Variants in WWOX observed in about 807,000 individuals in gnomAD.
WWOX encodes the protein WW domain containing oxidoreductase, also known as WW domain-containing oxidoreductase.
A neutral mutation model predicts 46.2 loss-of-function variants in WWOX; 69 were observed. The observed-to-expected ratio is 1.49, with a 90% CI of 1.23 to 1.82. The LOEUF (loss-of-function observed/expected upper bound fraction) is 1.82. WWOX is among the 40% of genes most tolerant of loss of function. The pLI is 0.00. For synonymous variants in WWOX, 359 were observed against 202.6 expected (o/e 1.77, Z -6.56); for missense variants, 919 against 542.6 (o/e 1.69, Z -6.89).
chr16:78,665,431 T>C (rs985906921), intron 8 of WWOX, among the ~76,000 whole-genome samples: 2 of 152,158 alleles, frequency 1.3e-5, no homozygotes, highest in African/African-American at 2.4e-5. Flanking sequence ...TCCCTCTCCA[T>C]CTGGGCACAT....
At chr16:78,230,878 C>T (rs1294501579) in intron 5 of WWOX, among the ~76,000 whole-genome samples, 1 of 152,216 alleles carries the variant, frequency 6.6e-6, no homozygotes, top group Non-Finnish European at 1.5e-5. Context: ...CCATGCCACT[C>T]CTTATCTCTT....
intron 8 of WWOX, among the ~76,000 whole-genome samples, chr16:79,091,439 T>G (rs1255270605): frequency 6.6e-6 from 1 of 152,192 alleles, no homozygotes; most frequent in African/African-American, 2.4e-5. Context: ...GCTTCCCCAC[T>G]GGGTGTTCAT....
chr16:78,100,651 G>C (rs984541961), intron 1 of WWOX, among the ~76,000 whole-genome samples: 1 of 152,188 alleles, frequency 6.6e-6, no homozygotes, highest in African/African-American at 2.4e-5. Context: ...GTGTGACCTT[G>C]GGCCATTGAA....
chr16:78,620,690 T>TA (rs1329648883), intron 8 of WWOX, among the ~76,000 whole-genome samples: 2 of 117,218 alleles, frequency 1.7e-5, no homozygotes, highest in Non-Finnish European at 4.2e-5. Context: ...TCAGGAAATA[T>TA]GGTTTTTTTT....
intron 8 of WWOX, among the ~76,000 whole-genome samples, chr16:78,778,755 A>G (rs1567553822): frequency 6.6e-6 from 1 of 152,192 alleles, no homozygotes; most frequent in African/African-American, 2.4e-5. Flanking sequence ...AACTCAAACC[A>G]AAGAGCACAC....
intron 8 of WWOX, among the ~76,000 whole-genome samples, chr16:79,025,209 G>A (rs1237719832): frequency 6.6e-6 from 1 of 152,298 alleles, no homozygotes; most frequent in East Asian, 1.9e-4. Flanking sequence ...ATGTCACTGA[G>A]GCTGGGGCAG....
chr16:79,121,300 T>C (rs111775329), intron 8 of WWOX, among the ~76,000 whole-genome samples: 4 of 152,208 alleles, frequency 2.6e-5, no homozygotes, highest in Non-Finnish European at 5.9e-5. Flanking sequence ...ACAGCATTTG[T>C]GAAAACTCGC....
At chr16:79,101,410 C>A (rs2150630919) in intron 8 of WWOX, 1 of 152,208 alleles carries the variant, frequency 6.6e-6, no homozygotes, top group Non-Finnish European at 1.5e-5. Flanking sequence ...CCCAAATTTA[C>A]AAATAGATGA....
intron 8 of WWOX, among the ~76,000 whole-genome samples, chr16:78,946,527 G>T (rs912943349): frequency 1.3e-5 from 2 of 151,996 alleles, no homozygotes; most frequent in Non-Finnish European, 2.9e-5. Context: ...GAAGTTTCTA[G>T]ATGCACACAA....
rs546117302 is a variant in WWOX at position 79,123,682 on chromosome 16, A to G, written c.1057-87926A>G. Among the ~76,000 whole-genome samples the G allele has an allele frequency of 1.7e-4, 26 of 152,256 alleles. No homozygotes were observed. In the South Asian group the frequency reaches 4.2e-3, roughly 24 times the overall value. ...TCTTTCTCACCCACAGCCAATTGCAATCTGGACCCTTTACCTGTCAGCTGT... is the reference window on the plus strand; with the variant it reads ...TCTTTCTCACCCACAGCCAATTGCAGTCTGGACCCTTTACCTGTCAGCTGT... On this transcript the variant is annotated intron_variant, in intron 8 of 8. Transcript: ENST00000566780.
intron 8 of WWOX, among the ~76,000 whole-genome samples, chr16:78,864,824 G>A (rs1350631647): frequency 3.0e-5 from 4 of 133,798 alleles, no homozygotes; most frequent in Non-Finnish European, 4.6e-5. Flanking sequence ...GTGCAGTGGT[G>A]TGAACTCGGC....
At chr16:78,264,319 G>C (rs1254942024) in intron 5 of WWOX, 1 of 152,138 alleles carries the variant, frequency 6.6e-6, no homozygotes, top group African/African-American at 2.4e-5. Context: ...ACATGCGGAA[G>C]AATTATGCCT....
At chr16:78,809,009 T>C (rs1014382969) in intron 8 of WWOX, among the ~76,000 whole-genome samples, 4 of 152,076 alleles carry the variant, frequency 2.6e-5, no homozygotes, top group African/African-American at 9.7e-5. Context: ...TTATTCGGAA[T>C]TTTATGGCCT....
At chr16:78,483,411 A>G (rs532169907) in intron 8 of WWOX, among the ~76,000 whole-genome samples, 2 of 145,788 alleles carry the variant, frequency 1.4e-5, no homozygotes, top group East Asian at 4.0e-4. Flanking sequence ...TTTTGCCGGC[A>G]TCTGCGTAGA....
chr16:78,548,606 A>G (rs934262445), intron 8 of WWOX, among the ~76,000 whole-genome samples: 2 of 152,196 alleles, frequency 1.3e-5, no homozygotes, highest in Non-Finnish European at 2.9e-5. Flanking sequence ...CAAGGAACTG[A>G]TGGGCCGGTT....
intron 8 of WWOX, among the ~76,000 whole-genome samples, chr16:78,836,956 C>T (rs572377093): frequency 6.6e-6 from 1 of 152,210 alleles, no homozygotes; most frequent in Admixed American, 6.5e-5. Context: ...AGGTCAAGTG[C>T]AGCAGAAGAG....
chr16:78,426,269 C>T (rs1410159539), intron 7 of WWOX, among the ~76,000 whole-genome samples: 2 of 152,144 alleles, frequency 1.3e-5, no homozygotes, highest in African/African-American at 2.4e-5. Flanking sequence ...TGGGGGCAGG[C>T]AGCAGAGAGA....
At chr16:79,017,407 G>A (rs954951722) in intron 8 of WWOX, 3 of 116,026 alleles carry the variant, frequency 2.6e-5, no homozygotes, top group Admixed American at 1.1e-4. Context: ...TCCAGCCTGG[G>A]CAACAGAGCG....
chr16:79,073,527 A>C (rs1284022488), intron 8 of WWOX, among the ~76,000 whole-genome samples: 1 of 152,102 alleles, frequency 6.6e-6, no homozygotes, highest in Admixed American at 6.6e-5. Context: ...TGGAGATTTG[A>C]GTTTATGTCT....
Sources: allele counts gnomAD v4.1 joint callset (sites outside exome capture counted in the v4.1 genomes callset), GRCh38; gene constraint gnomAD v4.1.1; transcripts MANE v1.5; gene names NCBI Gene and HGNC (gene_info 2026-07-23, HGNC 2026-07-21).